The following NEO1 variants were observed in gnomAD, a reference collection of about 807,000 sequenced individuals.
The protein encoded by NEO1 is neogenin.
A neutral mutation model predicts 159.7 loss-of-function variants in NEO1; 63 were observed. The ratio of observed to expected loss-of-function variants is 0.39; its 90% CI spans 0.32 to 0.49. NEO1 has a LOEUF of 0.49. Among genes scored for constraint, NEO1 ranks in the 20% least tolerant of loss-of-function variants. NEO1 has a pLI of 0.85. For synonymous variants in NEO1, 633 were observed against 662.0 expected, an observed-to-expected ratio of 0.96 and a Z score of 0.67; for missense variants, 1,615 against 1,831.0, an observed-to-expected ratio of 0.88 and a Z score of 2.15.
At position 73,094,768 on chromosome 15, in the gene NEO1, T is replaced by G. The variant is rs555429503; in HGVS notation, c.131-21772T>G. 5.9e-5 allele frequency among the ~76,000 whole-genome samples: 9 copies of G among 152,342 alleles called. No individual in the cohort carries two copies. In the South Asian group the frequency reaches 1.9e-3, roughly 32 times the overall value. On this transcript the variant is annotated intron_variant, in intron 1 of 28. Transcript: ENST00000261908. Reference sequence around the variant, plus strand: ...TGTCTTTTTTATTTTTATTTTTGTTTCTTAATTGTTAGTTGGATCTAGAGA... The same window carrying G: ...TGTCTTTTTTATTTTTATTTTTGTTGCTTAATTGTTAGTTGGATCTAGAGA...
At chr15:73,173,258 T>C (rs1458669062) in intron 5 of NEO1, among the ~76,000 whole-genome samples, 1 of 151,990 alleles carries the variant, frequency 6.6e-6, no homozygotes, top group African/African-American at 2.4e-5. Context: ...ATCTGGGGAG[T>C]GGAACACTAA....
chr15:73,062,631 T>TA (rs1567107721), intron 1 of NEO1, among the ~76,000 whole-genome samples: 1 of 152,238 alleles, frequency 6.6e-6, no homozygotes, highest in Non-Finnish European at 1.5e-5. Context: ...TGAAACATGC[T>TA]ATTACCTCTT....
At chr15:73,226,729 A>G (rs2038612448) in intron 7 of NEO1, among the ~76,000 whole-genome samples, 1 of 152,234 alleles carries the variant, frequency 6.6e-6, no homozygotes, top group Non-Finnish European at 1.5e-5. Flanking sequence ...TGTTAGAGTG[A>G]ACATTCCTGG....
intron 5 of NEO1, among the ~76,000 whole-genome samples, chr15:73,151,662 G>A (rs529064748): frequency 2.0e-5 from 3 of 152,250 alleles, no homozygotes; most frequent in East Asian, 3.9e-4. Context: ...ATCAGATCTC[G>A]TGAGAACTCA....
At chr15:73,161,090 C>T (rs1316992716) in intron 5 of NEO1, among the ~76,000 whole-genome samples, 1 of 152,176 alleles carries the variant, frequency 6.6e-6, no homozygotes, top group Non-Finnish European at 1.5e-5. Context: ...AGGATGAAGT[C>T]CAAAGGCAGA....
chr15:73,294,602 C>T (rs1057184614), intron 26 of NEO1, among the ~76,000 whole-genome samples: 11 of 152,108 alleles, frequency 7.2e-5, no homozygotes, highest in Admixed American at 2.0e-4. Context: ...TGCAGTGGTG[C>T]GATCTCGGCT....
At chr15:73,290,352 T>C (rs1339315175) in intron 25 of NEO1, among the ~76,000 whole-genome samples, 1 of 146,402 alleles carries the variant, frequency 6.8e-6, no homozygotes, top group African/African-American at 2.5e-5. Context: ...GCAATTCTCC[T>C]GCCTCGGCCT....
chr15:73,202,568 T>C (rs1289303403), intron 7 of NEO1, among the ~76,000 whole-genome samples: 1 of 152,172 alleles, frequency 6.6e-6, no homozygotes, highest in Non-Finnish European at 1.5e-5. Context: ...TATCTTTGTT[T>C]TCTACCTCCT....
intron 4 of NEO1, among the ~76,000 whole-genome samples, chr15:73,128,005 C>T (rs2030531237): frequency 6.6e-6 from 1 of 152,140 alleles, no homozygotes; most frequent in Non-Finnish European, 1.5e-5. Flanking sequence ...AAACAGGTAT[C>T]TATCTAGTTA....
intron 1 of NEO1, among the ~76,000 whole-genome samples, chr15:73,058,234 G>A (rs2067811014): frequency 1.3e-5 from 2 of 152,152 alleles, no homozygotes; most frequent in African/African-American, 4.8e-5. Context: ...TGACTTCCAG[G>A]CATTGTGCCA....
intron 5 of NEO1, among the ~76,000 whole-genome samples, chr15:73,159,087 G>A (rs755069784): frequency 5.9e-5 from 9 of 152,164 alleles, no homozygotes; most frequent in Non-Finnish European, 1.2e-4. Flanking sequence ...ACTATAGCAA[G>A]ATTCTGTCTC....
chr15:73,101,224 A>G (rs2070384038), intron 1 of NEO1, among the ~76,000 whole-genome samples: 1 of 152,216 alleles, frequency 6.6e-6, no homozygotes. Context: ...TCTGTGGGTT[A>G]GTTTATAAGT....
chr15:73,212,484 G>A (rs987135436), intron 7 of NEO1, among the ~76,000 whole-genome samples: 1 of 152,116 alleles, frequency 6.6e-6, no homozygotes, highest in African/African-American at 2.4e-5. Flanking sequence ...CCTATTTCTT[G>A]TCCTGTTTGT....
Position 73,066,320 on chromosome 15 carries a change from C to CTT in NEO1, c.130+13536_130+13537dup, listed in dbSNP as rs35179965. On this transcript the variant is annotated intron_variant, in intron 1 of 28. Transcript: ENST00000261908. ...AGGCTTGAGCCACCGCACCTGGCCTCTTTTTTTTTTTTTTTTTTTTTTAAA... is the reference window on the plus strand; with the variant it reads ...AGGCTTGAGCCACCGCACCTGGCCTCTTTTTTTTTTTTTTTTTTTTTTTTAAA... Among the ~76,000 whole-genome samples the CTT allele has an allele frequency of 4.2e-3, 462 of 110,168 alleles. 5 individuals are homozygous for CTT. The highest frequency in any genetic ancestry group is 0.011 in the African/African-American group (309 of 27,732). 72.3% of individuals were successfully genotyped at this position (110,168 alleles called of 152,430 possible).
chr15:73,146,166 C>T (rs1042671225), intron 5 of NEO1, among the ~76,000 whole-genome samples: 2 of 152,102 alleles, frequency 1.3e-5, no homozygotes, highest in South Asian at 2.1e-4. Context: ...TCTTGTTTTA[C>T]GTATCACATT....
At chr15:73,290,741 C>G (rs1256924300) in intron 25 of NEO1, among the ~76,000 whole-genome samples, 1 of 152,198 alleles carries the variant, frequency 6.6e-6, no homozygotes, top group Non-Finnish European at 1.5e-5. Flanking sequence ...TTCAGACTAG[C>G]TAGCACAGTG....
chr15:73,109,032 G>A (rs1278047814), intron 1 of NEO1, among the ~76,000 whole-genome samples: 2 of 152,126 alleles, frequency 1.3e-5, no homozygotes, highest in Admixed American at 6.5e-5. Context: ...AGCTGTACTG[G>A]GGAGTTCTTT....
chr15:73,189,165 T>G (rs919939054), intron 7 of NEO1, among the ~76,000 whole-genome samples: 1 of 152,148 alleles, frequency 6.6e-6, no homozygotes, highest in Non-Finnish European at 1.5e-5. Context: ...TTTTATATCT[T>G]TGATTGTGAA....
chr15:73,064,644 T>G (rs1259817364), intron 1 of NEO1, among the ~76,000 whole-genome samples: 2 of 152,092 alleles, frequency 1.3e-5, no homozygotes, highest in East Asian at 3.9e-4. Flanking sequence ...TCTTAATTTT[T>G]TTTTTAGAAA....
Sources: gnomAD v4.1 joint callset for allele counts (sites outside exome capture counted in the v4.1 genomes callset) on GRCh38, gnomAD v4.1.1 for gene constraint, MANE v1.5 for transcripts, NCBI Gene and HGNC (gene_info 2026-07-23, HGNC 2026-07-21) for gene names.